Variants in INPP5K observed in about 807,000 individuals in gnomAD.
The protein encoded by INPP5K is inositol polyphosphate-5-phosphatase K, also known as inositol polyphosphate 5-phosphatase K.
Under a neutral mutation model 53.5 loss-of-function variants are expected in INPP5K, and 35 were observed. The ratio of observed to expected loss-of-function variants is 0.65; its 90% CI spans 0.50 to 0.87. The LOEUF is 0.87. Among genes scored for constraint, INPP5K ranks in the 40% least tolerant of loss-of-function variants. The pLI is 0.00. For synonymous variants in INPP5K, 253 were observed against 232.8 expected (o/e 1.09, Z -0.79); for missense variants, 550 against 586.2 (o/e 0.94, Z 0.64).
chr17:1,496,848 CCCT>C (rs2074863179), intron 8 of INPP5K, 45 bp from the exon 9 acceptor site: 1 of 1,597,880 alleles, frequency 6.3e-7, no homozygotes, highest in East Asian at 2.3e-5. Context: ...CAGCATCATT[CCCT>C]CCTCTGAGGC....
chr17:1,498,641 G>A (rs2074926095), intron 7 of INPP5K, among the ~76,000 whole-genome samples: 1 of 152,108 alleles, frequency 6.6e-6, no homozygotes, highest in African/African-American at 2.4e-5. Context: ...GTCTTGCTCT[G>A]TCATGCAGGC....
intron 7 of INPP5K, among the ~76,000 whole-genome samples, chr17:1,498,681 T>G (rs529512967): frequency 1.2e-4 from 19 of 152,330 alleles, no homozygotes; most frequent in African/African-American, 4.3e-4. Flanking sequence ...CACAGCTTAC[T>G]GTAGCCTCAA....
At chr17:1,499,601 T>C (rs187955754) in intron 7 of INPP5K, among the ~76,000 whole-genome samples, 1 of 152,272 alleles carries the variant, frequency 6.6e-6, no homozygotes, top group Non-Finnish European at 1.5e-5. Context: ...GCATTCCTCC[T>C]CTAGGTAACT....
At chr17:1,509,988 T>C (rs115944912) in intron 3 of INPP5K, among the ~76,000 whole-genome samples, 189 bp from the exon 4 acceptor site, 1 of 152,376 alleles carries the variant, frequency 6.6e-6, no homozygotes, top group African/African-American at 2.4e-5. Flanking sequence ...TGCCAAATGA[T>C]ACATTCTGGG....
chr17:1,507,697 C>T (rs759606698), intron 6 of INPP5K: 20 of 160,246 alleles, frequency 1.2e-4, no homozygotes, highest in African/African-American at 4.3e-4. Context: ...CGTGCCACCA[C>T]GCCCGGCGAA....
intron 1 of INPP5K, chr17:1,515,544 G>A: frequency 1.0e-6 from 1 of 985,602 alleles, no homozygotes; most frequent in Non-Finnish European, 1.2e-6. Context: ...CCTAGCATGA[G>A]TCCTAGGCAC....
intron 6 of INPP5K, chr17:1,507,529 T>G: frequency 5.9e-6 from 1 of 168,318 alleles, no homozygotes; most frequent in Non-Finnish European, 1.3e-5. Context: ...GCCCTTCTGG[T>G]TCCCTATTCT....
chr17:1,496,718 G>C lies in INPP5K; in HGVS notation c.1049C>G (p.Ser350Cys), dbSNP rs1157586530. 2 of 1,614,224 alleles carry C rather than the reference G, an allele frequency of 1.2e-6. No individual in the cohort carries two copies. Among genetic ancestry groups the C allele is most frequent in the Non-Finnish European group, 1.7e-6 (2 of 1,180,038 alleles). ...GCTGCTGGGGAAGTCCGAGGTTGAA[G>C]AGTAGCTGACCATCATGTCATTTTC... is the stretch of plus-strand genomic sequence containing the variant. ...TVENDMMVSY[S>C]STSDFPSSPW... The change falls in exon 9 of 12, where the codon TCT becomes TGT. Residue 350 changes from serine (S) to cysteine (C), a missense_variant. By Grantham distance (112) the Ser-to-Cys change is moderately radical. Transcript: ENST00000421807.
Position 1,503,719 on chromosome 17 carries a change from GA to G in INPP5K, c.776+3260del, listed in dbSNP as rs2075089628. 2.0e-5 allele frequency among the ~76,000 whole-genome samples: 3 copies of G among 151,924 alleles called. No individual in the cohort carries two copies. The South Asian group carries it at 6.2e-4, about 32-fold the overall frequency. ...GGTGACAAGAAGAAAACTCTGTCTC[GA>G]AAAAAATAAAACACTTTGTCTGGGC... On this transcript the variant is annotated intron_variant, in intron 7 of 11. Transcript: ENST00000421807.
intron 7 of INPP5K, among the ~76,000 whole-genome samples, chr17:1,500,179 C>A (rs2074969568): frequency 6.6e-6 from 1 of 152,254 alleles, no homozygotes; most frequent in South Asian, 2.1e-4. Flanking sequence ...GTAGGGCTTT[C>A]AAGGGGCTCA....
intron 2 of INPP5K, 22 bp downstream of exon 2, chr17:1,513,850 G>T (rs376781967): frequency 1.3e-6 from 2 of 1,557,768 alleles, no homozygotes; most frequent in African/African-American, 2.7e-5. Flanking sequence ...AGGGATGGGC[G>T]AAGGAGCCTG....
chr17:1,508,106 AC>A lies in INPP5K; in HGVS notation c.666+8del. The A allele has an allele frequency of 6.3e-7, 1 of 1,598,898 alleles. No individual in the cohort carries two copies. The highest frequency in any genetic ancestry group is 8.6e-7 in the Non-Finnish European group (1 of 1,166,226). Reference sequence around the variant, plus strand: ...GATCACCCCCTGGGACCCTCCCCTCACTGGATACCTGGTCCTTCTCCCACAG... The same window carrying A: ...GATCACCCCCTGGGACCCTCCCCTCATGGATACCTGGTCCTTCTCCCACAG... On this transcript the variant is annotated splice_region_variant and intron_variant, in intron 6 of 11. Transcript: ENST00000421807.
In INPP5K at chr17:1,503,384, C is replaced by T. The variant is rs140954473; in HGVS notation, c.776+3596G>A. 5.2e-3 allele frequency among the ~76,000 whole-genome samples: 786 copies of T among 152,010 alleles called. 9 individuals carry two copies. The highest frequency in any genetic ancestry group is 0.017 in the African/African-American group (721 of 41,436). ...TATTTTTAGTAGAGACGGGGTTTCACCGTGTTCACCAGGATGGTCTCGATC... is the reference window on the plus strand; with the variant it reads ...TATTTTTAGTAGAGACGGGGTTTCATCGTGTTCACCAGGATGGTCTCGATC... On this transcript the variant is annotated intron_variant, in intron 7 of 11. Coordinates refer to ENST00000421807, the MANE Select transcript of INPP5K (RefSeq NM_016532.4).
intron 7 of INPP5K, among the ~76,000 whole-genome samples, chr17:1,500,687 T>C (rs1248553237): frequency 3.3e-5 from 5 of 152,042 alleles, no homozygotes; most frequent in Non-Finnish European, 7.4e-5. Context: ...ATACCAGTAT[T>C]ATACGATTAC....
chr17:1,510,419 C>G (rs930304196), intron 3 of INPP5K: 2 of 152,302 alleles, frequency 1.3e-5, no homozygotes, highest in Non-Finnish European at 2.9e-5. Context: ...GTTGGCCAGG[C>G]TGGTCTTGAA....
chr17:1,515,980 A>C, intron 1 of INPP5K: 2 of 994,020 alleles, frequency 2.0e-6, no homozygotes, highest in Non-Finnish European at 2.4e-6. Flanking sequence ...ACTTAGACTA[A>C]GTGGGCGATT....
chr17:1,514,824 A>G (rs1649882645), intron 1 of INPP5K, among the ~76,000 whole-genome samples: 1 of 151,978 alleles, frequency 6.6e-6, no homozygotes, highest in Non-Finnish European at 1.5e-5. Flanking sequence ...AATAAAAGAG[A>G]TAACACCACC....
In INPP5K at chr17:1,496,066, G is replaced by A; in HGVS notation, c.1284C>T (p.Pro428=). The A allele has an allele frequency of 1.2e-6, 2 of 1,603,198 alleles. No homozygotes were observed. The highest frequency in any genetic ancestry group is 1.7e-6 in the Non-Finnish European group (2 of 1,170,122). The change falls in exon 11 of 12, where the codon CCC becomes CCT. Residue 428 remains proline, a synonymous_variant. Transcript: ENST00000421807. The part of the protein sequence containing the change: ...SLRSVVGISR[P]FQIPPGSLRE... Reference sequence around the variant, plus strand: ...CCTCACCAGCACTGCTTACCTGGAAGGGTCTGCTTATCCCCACCACAGAAC... The same window carrying A: ...CCTCACCAGCACTGCTTACCTGGAAAGGTCTGCTTATCCCCACCACAGAAC...
At position 1,506,960 on chromosome 17, in the gene INPP5K, G is replaced by GC. The variant is rs765891264; in HGVS notation, c.776+19dup. On this transcript the variant is annotated intron_variant, in intron 7 of 11. Coordinates refer to ENST00000421807, the MANE Select transcript of INPP5K (RefSeq NM_016532.4). ...GTAACCTGACTTCCTAGACCTTCTG[G>GC]CCCCCCACTCCCTCCTCACCTGGTG... The GC allele has an allele frequency of 2.6e-6, 4 of 1,555,328 alleles. No individual in the cohort carries two copies. The highest frequency in any genetic ancestry group is 3.5e-6 in the Non-Finnish European group (4 of 1,127,412).
Sources: gnomAD v4.1 joint callset for allele counts (sites outside exome capture counted in the v4.1 genomes callset) on GRCh38, gnomAD v4.1.1 for gene constraint, MANE v1.5 for transcripts, NCBI Gene and HGNC (gene_info 2026-07-23, HGNC 2026-07-21) for gene names.